SDK1: variants seen among roughly 807,000 people sequenced by gnomAD.
SDK1 encodes sidekick cell adhesion molecule 1, also known as protein sidekick-1.
In SDK1, 157 loss-of-function variants were observed where a neutral mutation model predicts 245.5. The observed-to-expected ratio is 0.64, with a 90% CI of 0.56 to 0.73. SDK1 has a LOEUF of 0.73. Ranked by LOEUF, SDK1 falls within the 30% of genes least tolerant of loss-of-function variation. The pLI, the probability that SDK1 is intolerant of heterozygous loss-of-function variation, is 0.00. For synonymous variants in SDK1, 1,647 were observed against 1,278.5 expected (o/e 1.29, Z -6.15); for missense variants, 3,583 against 3,002.3 (o/e 1.19, Z -4.52).
At chr7:4,168,055 T>C (rs1338028788) in intron 32 of SDK1, among the ~76,000 whole-genome samples, 1 of 152,214 alleles carries the variant, frequency 6.6e-6, no homozygotes, top group Non-Finnish European at 1.5e-5. Context: ...GAAAATATGG[T>C]TGAACCCAGT....
chr7:3,301,981 C>T, intron 1 of SDK1, 97 bp downstream of exon 1: 16 of 935,426 alleles, frequency 1.7e-5, no homozygotes, highest in Non-Finnish European at 2.1e-5. Context: ...CCCCGCTTCC[C>T]GGCCCGGGTC....
intron 38 of SDK1, among the ~76,000 whole-genome samples, chr7:4,215,395 C>T (rs2128229768): frequency 6.6e-6 from 1 of 152,348 alleles, no homozygotes; most frequent in East Asian, 1.9e-4. Flanking sequence ...TCGCTTCAGC[C>T]AGCGGGACAA....
chr7:4,243,114 G>C (rs968024505), intron 43 of SDK1, among the ~76,000 whole-genome samples: 19 of 152,330 alleles, frequency 1.2e-4, no homozygotes, highest in African/African-American at 4.3e-4. Flanking sequence ...AGGCCAGGAG[G>C]AACTTGTCAC....
intron 1 of SDK1, among the ~76,000 whole-genome samples, chr7:3,366,275 G>A (rs1483742411): frequency 6.6e-6 from 1 of 151,622 alleles, no homozygotes; most frequent in Non-Finnish European, 1.5e-5. Flanking sequence ...TTACTTTTTT[G>A]TTGTAAAAGA....
intron 1 of SDK1, among the ~76,000 whole-genome samples, chr7:3,337,578 C>G (rs1013617289): frequency 1.3e-5 from 2 of 152,160 alleles, no homozygotes; most frequent in African/African-American, 4.8e-5. Flanking sequence ...CCAAAGGAAT[C>G]TGTGCCAAGA....
At chr7:3,445,557 C>T (rs1294449224) in intron 1 of SDK1, among the ~76,000 whole-genome samples, 1 of 152,142 alleles carries the variant, frequency 6.6e-6, no homozygotes, top group Non-Finnish European at 1.5e-5. Flanking sequence ...ACAGAGAGCT[C>T]TTTGTGCTCC....
intron 17 of SDK1, among the ~76,000 whole-genome samples, chr7:4,046,678 G>A (rs76258257): frequency 0.055 from 8,305 of 152,170 alleles, 493 homozygotes; most frequent in African/African-American, 0.14. Context: ...TTTAATTACT[G>A]TTGATTTCCA....
At chr7:3,676,891 T>C (rs1026820712) in intron 4 of SDK1, among the ~76,000 whole-genome samples, 10 of 152,310 alleles carry the variant, frequency 6.6e-5, no homozygotes, top group African/African-American at 2.4e-4. Flanking sequence ...ATTCATACCA[T>C]GCTATTTTAG....
intron 5 of SDK1, among the ~76,000 whole-genome samples, chr7:3,890,584 A>G (rs536526007): frequency 6.6e-6 from 1 of 151,904 alleles, no homozygotes; most frequent in South Asian, 2.1e-4. Flanking sequence ...TTGAGTCTCT[A>G]TGGGTAACAT....
intron 1 of SDK1, among the ~76,000 whole-genome samples, chr7:3,485,013 A>G (rs1247625769): frequency 6.6e-6 from 1 of 152,168 alleles, no homozygotes; most frequent in Non-Finnish European, 1.5e-5. Flanking sequence ...TTTTGGGTAT[A>G]TACCCAGCAG....
At chr7:3,828,363 T>C (rs985884827) in intron 5 of SDK1, among the ~76,000 whole-genome samples, 2 of 152,018 alleles carry the variant, frequency 1.3e-5, no homozygotes, top group Non-Finnish European at 2.9e-5. Flanking sequence ...TTGAGAGATA[T>C]TCTATAACAA....
intron 1 of SDK1, among the ~76,000 whole-genome samples, chr7:3,600,451 T>G (rs1046801513): frequency 2.0e-5 from 3 of 152,154 alleles, no homozygotes. Context: ...TCCTATACTA[T>G]GTTGAATAGG....
chr7:3,568,611 G>C (rs1038302682), intron 1 of SDK1, among the ~76,000 whole-genome samples: 4 of 152,154 alleles, frequency 2.6e-5, no homozygotes, highest in African/African-American at 9.7e-5. Context: ...CTACATTCTA[G>C]AGGACCTCAG....
chr7:3,335,289 C>G (rs532093988), intron 1 of SDK1, among the ~76,000 whole-genome samples: 27 of 151,782 alleles, frequency 1.8e-4, no homozygotes, highest in Middle Eastern at 6.8e-3. Context: ...TCCCAGTTAT[C>G]TTTCTTTATT....
At chr7:3,875,690 G>A (rs1044094393) in intron 5 of SDK1, among the ~76,000 whole-genome samples, 7 of 152,152 alleles carry the variant, frequency 4.6e-5, no homozygotes, top group African/African-American at 1.7e-4. Context: ...GTGTGGGCAG[G>A]GATCTAAAGG....
chr7:4,215,348 A>G (rs1784734456), intron 38 of SDK1, among the ~76,000 whole-genome samples: 1 of 152,160 alleles, frequency 6.6e-6, no homozygotes, highest in Non-Finnish European at 1.5e-5. Flanking sequence ...CCTTGGGCGG[A>G]GTCCCCCTAC....
chr7:3,642,158 G>A (rs1782672121), intron 4 of SDK1, 53 bp downstream of exon 4: 2 of 1,548,614 alleles, frequency 1.3e-6, no homozygotes, highest in Admixed American at 1.7e-5. Context: ...GTCACTTGCT[G>A]GCACCATCTA....
At chr7:3,347,250 G>A (rs1171562534) in intron 1 of SDK1, among the ~76,000 whole-genome samples, 1 of 151,766 alleles carries the variant, frequency 6.6e-6, no homozygotes, top group Non-Finnish European at 1.5e-5. Context: ...TAGCAATTTT[G>A]TAGTACTCTG....
At chr7:3,364,797 T>C (rs987051059) in intron 1 of SDK1, among the ~76,000 whole-genome samples, 11 of 152,192 alleles carry the variant, frequency 7.2e-5, no homozygotes, top group African/African-American at 2.4e-4. Flanking sequence ...GCATACACTT[T>C]TCTGTATCTA....
Sources: gnomAD v4.1 joint callset for allele counts (sites outside exome capture counted in the v4.1 genomes callset) on GRCh38, gnomAD v4.1.1 for gene constraint, MANE v1.5 for transcripts, NCBI Gene and HGNC (gene_info 2026-07-23, HGNC 2026-07-21) for gene names.